Variants in FRMPD4 observed in about 807,000 individuals in gnomAD.
The protein encoded by FRMPD4 is FERM and PDZ domain containing 4, also known as FERM and PDZ domain-containing protein 4.
A neutral mutation model predicts 94.1 loss-of-function variants in FRMPD4; 22 were observed. That is an observed-to-expected ratio of 0.23 (90% CI 0.17 to 0.33). The LOEUF (loss-of-function observed/expected upper bound fraction) is 0.33, where lower values mean the gene tolerates loss of function less well. Among genes scored for constraint, FRMPD4 ranks in the 10% least tolerant of loss-of-function variants. The pLI, the probability that FRMPD4 is intolerant of heterozygous loss-of-function variation, is 1.00. For missense variants in FRMPD4, 1,111 were observed against 1,339.9 expected, an observed-to-expected ratio of 0.83 and a Z score of 2.67; for synonymous variants, 631 against 548.6, an observed-to-expected ratio of 1.15 and a Z score of -2.10.
chrX:12,354,160 C>G (rs1255376634), intron 1 of FRMPD4, among the ~76,000 whole-genome samples: 1 of 112,356 alleles, frequency 8.9e-6, no homozygotes, highest in Non-Finnish European at 1.9e-5. Context: ...TTTCAACTGT[C>G]TAGTAGGTAT....
intron 4 of FRMPD4, among the ~76,000 whole-genome samples, chrX:12,640,855 C>T (rs763533858): frequency 5.4e-5 from 6 of 111,429 alleles, no homozygotes; most frequent in Admixed American, 2.9e-4. Flanking sequence ...TGTATACCTT[C>T]CACTAAAAGT....
At chrX:12,107,474 T>C (rs1271135761) in intron 3 of FRMPD4, among the ~76,000 whole-genome samples, 3 of 111,612 alleles carry the variant, frequency 2.7e-5, no homozygotes, top group Non-Finnish European at 5.7e-5. Context: ...AAGCTGAAGA[T>C]TGTAAAAATC....
At chrX:11,963,575 T>C (rs1018283389) in intron 3 of FRMPD4, among the ~76,000 whole-genome samples, 10 of 112,364 alleles carry the variant, frequency 8.9e-5, no homozygotes, top group Non-Finnish European at 1.5e-4. Context: ...TGATTGCTGG[T>C]CTACTGGCCA....
chrX:12,587,266 C>T (rs759772843), intron 2 of FRMPD4, among the ~76,000 whole-genome samples: 12 of 111,995 alleles, frequency 1.1e-4, no homozygotes, highest in Non-Finnish European at 1.5e-4. Flanking sequence ...TGAGCCACCG[C>T]ACCTGGCCTT....
intron 4 of FRMPD4, among the ~76,000 whole-genome samples, chrX:12,639,940 A>C (rs753889315): frequency 6.9e-4 from 77 of 111,692 alleles, no homozygotes; most frequent in Non-Finnish European, 1.3e-3. Flanking sequence ...CAATATTTTC[A>C]ACAGAAGAAG....
intron 9 of FRMPD4, among the ~76,000 whole-genome samples, chrX:12,699,065 G>A (rs182962069): frequency 8.9e-6 from 1 of 111,929 alleles, no homozygotes; most frequent in Admixed American, 9.4e-5. Flanking sequence ...CATAGCAGTT[G>A]CTGAAGAAAA....
At chrX:11,963,000 C>T (rs1178965051) in intron 3 of FRMPD4, among the ~76,000 whole-genome samples, 3 of 112,007 alleles carry the variant, frequency 2.7e-5, no homozygotes, top group Admixed American at 9.5e-5. Context: ...CCCCTCATCA[C>T]CACTACTAAT....
chrX:12,343,123 T>C (rs936777891), intron 1 of FRMPD4, among the ~76,000 whole-genome samples: 11 of 111,713 alleles, frequency 9.8e-5, no homozygotes, highest in African/African-American at 3.6e-4. Context: ...CTGAGGTCAC[T>C]GTGGCACTCC....
intron 2 of FRMPD4, among the ~76,000 whole-genome samples, chrX:12,539,105 G>A (rs1362845378): frequency 8.9e-6 from 1 of 112,387 alleles, no homozygotes; most frequent in Non-Finnish European, 1.9e-5. Context: ...ACCTGATGGA[G>A]CTGAAAACTA....
intron 1 of FRMPD4, among the ~76,000 whole-genome samples, chrX:11,863,505 C>T (rs1294369461): frequency 9.0e-6 from 1 of 110,936 alleles, no homozygotes; most frequent in Admixed American, 9.7e-5. Context: ...TGGAGGTCTA[C>T]AGCACCCCCT....
At chrX:12,523,026 T>G (rs2058181636) in intron 2 of FRMPD4, among the ~76,000 whole-genome samples, 1 of 112,666 alleles carries the variant, frequency 8.9e-6, no homozygotes, top group South Asian at 3.7e-4. Flanking sequence ...GGCTCCATAA[T>G]GCTTTTGCTG....
intron 16 of FRMPD4, among the ~76,000 whole-genome samples, chrX:12,719,575 TG>T (rs1387696405): frequency 8.9e-6 from 1 of 112,125 alleles, no homozygotes; most frequent in African/African-American, 3.2e-5. Flanking sequence ...TACAGGTCAA[TG>T]GAAGTTAGTG....
At chrX:12,647,495 CT>C (rs2059558781) in intron 4 of FRMPD4, among the ~76,000 whole-genome samples, 1 of 111,359 alleles carries the variant, frequency 9.0e-6, no homozygotes, top group Non-Finnish European at 1.9e-5. Context: ...TTCCCCAGAA[CT>C]TCCAGCTGAT....
chrX:12,281,386 C>G (rs6640955), intron 1 of FRMPD4, among the ~76,000 whole-genome samples: 1 of 88,538 alleles, frequency 1.1e-5, no homozygotes, highest in Non-Finnish European at 2.4e-5. Flanking sequence ...TTTTTTTTTT[C>G]TTTTTTGAGA....
At chrX:12,108,055 T>C (rs982332052) in intron 3 of FRMPD4, among the ~76,000 whole-genome samples, 2 of 111,348 alleles carry the variant, frequency 1.8e-5, no homozygotes, top group Non-Finnish European at 3.8e-5. Context: ...AACATTCAAA[T>C]TCAGGAAACA....
chrX:12,671,855 G>T (rs967322461), intron 4 of FRMPD4, among the ~76,000 whole-genome samples: 1 of 111,533 alleles, frequency 9.0e-6, no homozygotes, highest in African/African-American at 3.3e-5. Context: ...CAGCTCCCCA[G>T]GGCCAGTTCC....
chrX:12,164,892 G>A (rs1416873948), intron 1 of FRMPD4, among the ~76,000 whole-genome samples: 1 of 111,729 alleles, frequency 9.0e-6, no homozygotes, highest in African/African-American at 3.3e-5. Context: ...TTTTTGATGG[G>A]GTTGTTTGTT....
intron 3 of FRMPD4, among the ~76,000 whole-genome samples, chrX:12,034,362 A>G (rs925558839): frequency 1.8e-5 from 2 of 111,468 alleles, no homozygotes; most frequent in African/African-American, 6.5e-5. Flanking sequence ...CAGATAGTTA[A>G]TTTTCCTACC....
chrX:11,945,693 A>G (rs755056353), intron 3 of FRMPD4, among the ~76,000 whole-genome samples: 8 of 111,310 alleles, frequency 7.2e-5, no homozygotes, highest in Admixed American at 9.6e-5. Context: ...AGTAGGTGCC[A>G]GGCTCCTTTT....
Sources: allele counts gnomAD v4.1 joint callset (sites outside exome capture counted in the v4.1 genomes callset), GRCh38; gene constraint gnomAD v4.1.1; transcripts MANE v1.5; gene names NCBI Gene and HGNC (gene_info 2026-07-23, HGNC 2026-07-21).